Variants in STMN3 observed in about 807,000 individuals in gnomAD.
The protein encoded by STMN3 is stathmin-3.
In STMN3, 24 loss-of-function variants were observed where a neutral mutation model predicts 23.2. The observed-to-expected ratio is 1.03, with a 90% confidence interval of 0.75 to 1.45. The LOEUF is 1.45. STMN3 is among the 40% of genes most tolerant of loss of function. STMN3 has a pLI of 0.00. For missense variants in STMN3, 235 were observed against 237.6 expected (o/e 0.99, Z 0.07); for synonymous variants, 117 against 103.4 (o/e 1.13, Z -0.80).
At chr20:63,649,853 G>C (rs1231669002) in intron 1 of STMN3, among the ~76,000 whole-genome samples, 2 of 143,900 alleles carry the variant, frequency 1.4e-5, no homozygotes, top group Non-Finnish European at 3.0e-5. Context: ...TTAAGACGGG[G>C]TCTCACTCTG....
chr20:63,646,267 A>G (rs1190046177), intron 1 of STMN3, among the ~76,000 whole-genome samples: 3 of 151,930 alleles, frequency 2.0e-5, no homozygotes, highest in Non-Finnish European at 4.4e-5. Context: ...AGGCAAAGCT[A>G]CCTGTCTTGG....
chr20:63,649,661 G>C (rs11908685), intron 1 of STMN3, among the ~76,000 whole-genome samples: 3 of 152,040 alleles, frequency 2.0e-5, no homozygotes, highest in Non-Finnish European at 4.4e-5. Flanking sequence ...CTCCCGAATA[G>C]CTGGGACTAC....
chr20:63,642,487 G>C (rs1160109310), intron 3 of STMN3, among the ~76,000 whole-genome samples, 188 bp from the exon 4 acceptor site: 2 of 151,504 alleles, frequency 1.3e-5, no homozygotes, highest in Non-Finnish European at 2.9e-5. Context: ...CCGGCCTGTG[G>C]TCGGGGCAGG....
At chr20:63,648,868 C>A (rs1201859885) in intron 1 of STMN3, among the ~76,000 whole-genome samples, 3 of 152,144 alleles carry the variant, frequency 2.0e-5, no homozygotes, top group Admixed American at 1.3e-4. Flanking sequence ...AGAGGAAGGA[C>A]AAACACCAGG....
chr20:63,652,870 G>C lies in STMN3; in HGVS notation c.19+457C>G. ...CCTGTGCTGCACTGGCGCGGGGAGC[G>C]CCGGGTTCCCGGCTGGGGCTTTGGC... On this transcript the variant is annotated intron_variant, in intron 1 of 4. Coordinates refer to ENST00000370053, the MANE Select transcript of STMN3 (RefSeq NM_015894.4). The surrounding 1 kb of genome is among the most constrained non-coding windows in gnomAD (Gnocchi z 5.3). 5.7e-6 allele frequency: 5 copies of C among 874,224 alleles called. No individual in the cohort carries two copies. Among genetic ancestry groups the C allele is most frequent in the Non-Finnish European group, 6.9e-6 (5 of 728,474 alleles). 54.2% of individuals were successfully genotyped at this position (874,224 alleles called of 1,614,324 possible).
At chr20:63,649,082 G>A (rs913720405) in intron 1 of STMN3, among the ~76,000 whole-genome samples, 3 of 152,144 alleles carry the variant, frequency 2.0e-5, no homozygotes, top group Admixed American at 6.6e-5. Context: ...ACACAGGTGC[G>A]GCTCAGCATC....
chr20:63,649,828 AC>A (rs1436913205), intron 1 of STMN3, among the ~76,000 whole-genome samples: 1 of 93,506 alleles, frequency 1.1e-5, no homozygotes, highest in African/African-American at 3.9e-5. Context: ...CCGCGCCTGG[AC>A]TTTTTTTTTT....
At chr20:63,651,885 C>A (rs140949208) in intron 1 of STMN3, among the ~76,000 whole-genome samples, 6 of 152,148 alleles carry the variant, frequency 3.9e-5, no homozygotes, top group African/African-American at 1.4e-4. Flanking sequence ...CCTCCCAGCT[C>A]AGCCCCAGGA....
At position 63,651,885 on chromosome 20, in the gene STMN3, C is replaced by T. The variant is rs140949208; in HGVS notation, c.19+1442G>A. 2.7e-3 allele frequency among the ~76,000 whole-genome samples: 408 copies of T among 152,266 alleles called. 5 individuals carry two copies. Among genetic ancestry groups the T allele is most frequent in the African/African-American group, 9.4e-3 (391 of 41,564 alleles). ...CCGAGATGCCCTCGCCCTCCCAGCT[C>T]AGCCCCAGGAACCGAGCCCATGGGG... On this transcript the variant is annotated intron_variant, in intron 1 of 4. Transcript: ENST00000370053.
chr20:63,647,960 G>GTA lies in STMN3; in HGVS notation c.20-3653_20-3652dup, dbSNP rs1242712476. On this transcript the variant is annotated intron_variant, in intron 1 of 4. Transcript: ENST00000370053. ...TATGTGTGTGTGTGTATATATATAT[G>GTA]TATATATATATATATATATACATAT... Among the ~76,000 whole-genome samples, 382 of 53,344 alleles carry GTA rather than the reference G, an allele frequency of 7.2e-3. 24 individuals carry two copies. The highest frequency in any genetic ancestry group is 0.037 in the East Asian group (131 of 3,554). 35.0% of individuals were successfully genotyped at this position (53,344 alleles called of 152,430 possible).
At chr20:63,647,991 TACAGAG>T (rs2089831680) in intron 1 of STMN3, among the ~76,000 whole-genome samples, 3 of 75,880 alleles carry the variant, frequency 4.0e-5, no homozygotes, top group African/African-American at 4.9e-5. Context: ...CATATATATA[TACAGAG>T]AGAGAGAGAG....
chr20:63,643,241 G>T (rs1243319715), intron 3 of STMN3, among the ~76,000 whole-genome samples: 1 of 152,138 alleles, frequency 6.6e-6, no homozygotes, highest in Non-Finnish European at 1.5e-5. Flanking sequence ...CCAGGTGGCC[G>T]CCTCGGAACC....
chr20:63,642,082 G>A (rs186744824), intron 4 of STMN3, 26 bp downstream of exon 4: 578,930 of 1,268,666 alleles, frequency 0.46, 135,262 homozygotes, highest in Non-Finnish European at 0.48. Flanking sequence ...CCCGCTCCGA[G>A]CTCCGCCCCG....
chr20:63,651,367 G>T (rs2146123626), intron 1 of STMN3, among the ~76,000 whole-genome samples: 1 of 152,306 alleles, frequency 6.6e-6, no homozygotes, highest in South Asian at 2.1e-4. Flanking sequence ...CTGACTGCAG[G>T]CTCCTGTTGG....
At chr20:63,644,348 G>A (rs2089792946) in intron 1 of STMN3, 39 bp from the exon 2 acceptor site, 7 of 1,543,044 alleles carry the variant, frequency 4.5e-6, no homozygotes, top group African/African-American at 4.1e-5. Flanking sequence ...CACCACTGGG[G>A]CCTGCCCACC....
At chr20:63,651,648 G>A (rs1287323192) in intron 1 of STMN3, among the ~76,000 whole-genome samples, 1 of 152,246 alleles carries the variant, frequency 6.6e-6, no homozygotes, top group Non-Finnish European at 1.5e-5. Context: ...TAGCAGGCAA[G>A]CGGCCAAGCA....
intron 1 of STMN3, among the ~76,000 whole-genome samples, chr20:63,645,988 AGGAG>A (rs1400743010): frequency 1.2e-4 from 19 of 152,142 alleles, no homozygotes; most frequent in Admixed American, 5.9e-4. Context: ...GAAGAAAGGA[AGGAG>A]GGAGGGAGGG....
Position 63,647,860 on chromosome 20 carries a change from G to A in STMN3, c.20-3551C>T, listed in dbSNP as rs1231264838. Among the ~76,000 whole-genome samples the A allele has an allele frequency of 1.7e-4, 19 of 110,288 alleles. 2 individuals are homozygous for A. Among genetic ancestry groups the A allele is most frequent in the African/African-American group, 3.5e-4 (11 of 31,816 alleles). 72.4% of individuals were successfully genotyped at this position (110,288 alleles called of 152,430 possible). A position where few individuals can be genotyped will look rare whatever the true frequency, so the allele number is the denominator to read the frequency against. ...TATATGTATATATTAATATATATAC[G>A]TATATATACACGTGTATATATTAAT... On this transcript the variant is annotated intron_variant, in intron 1 of 4. Coordinates refer to ENST00000370053, the MANE Select transcript of STMN3 (RefSeq NM_015894.4).
rs145253696 is a variant in STMN3 at position 63,647,163 on chromosome 20, C to G, written c.20-2854G>C. Among the ~76,000 whole-genome samples, 231 of 151,668 alleles carry G rather than the reference C, an allele frequency of 1.5e-3. 4 individuals are homozygous for G. Among genetic ancestry groups the G allele is most frequent in the African/African-American group, 5.4e-3 (222 of 41,254 alleles). ...TCTCTACTACAAATATAAAAATCAG[C>G]CAGGCGTGGTGGCGGGCTCCTCTAA... On this transcript the variant is annotated intron_variant, in intron 1 of 4. Transcript: ENST00000370053.
Sources: allele counts gnomAD v4.1 joint callset (sites outside exome capture counted in the v4.1 genomes callset), GRCh38; gene constraint gnomAD v4.1.1; non-coding constraint Gnocchi (gnomAD v3.1); transcripts MANE v1.5; gene names NCBI Gene and HGNC (gene_info 2026-07-23, HGNC 2026-07-21).